KCNN2: variants seen among roughly 807,000 people sequenced by gnomAD.
KCNN2 encodes the protein small conductance calcium-activated potassium channel protein 2.
KCNN2 carries 24 observed loss-of-function variants against 55.5 expected under a neutral mutation model. That is an observed-to-expected ratio of 0.43 (90% CI 0.31 to 0.61). The LOEUF (loss-of-function observed/expected upper bound fraction) is 0.61. Among genes scored for constraint, KCNN2 ranks in the 20% least tolerant of loss-of-function variants. KCNN2 has a pLI of 0.08. For synonymous variants in KCNN2, 431 were observed against 336.1 expected (o/e 1.28, Z -3.09); for missense variants, 754 against 853.6 (o/e 0.88, Z 1.45).
In KCNN2 at chr5:114,241,722, G is replaced by A. The variant is rs1372809333; in HGVS notation, c.-185+20157G>A. 3.3e-4 allele frequency among the ~76,000 whole-genome samples: 25 copies of A among 76,452 alleles called. 1 individual carries two copies. The highest frequency in any genetic ancestry group is 9.2e-4 in the African/African-American group (16 of 17,366). The allele number at this position is 76,452 out of a possible 152,430, so 50.2% of individuals were successfully genotyped here. A position where few individuals can be genotyped will look rare whatever the true frequency, so the allele number is the denominator to read the frequency against. ...TATATGTGGATATATATATATATAC[G>A]TATATATATACATATATACGTATAT... is the stretch of plus-strand genomic sequence containing the variant. On this transcript the variant is annotated intron_variant, in intron 2 of 10. Coordinates refer to the KCNN2 transcript ENST00000512097.
chr5:114,436,408 A>G (rs983272118), intron 3 of KCNN2, among the ~76,000 whole-genome samples: 1 of 152,228 alleles, frequency 6.6e-6, no homozygotes, highest in African/African-American at 2.4e-5. Flanking sequence ...GAATCATTAA[A>G]TGATCGTAAA....
chr5:114,264,746 A>G (rs1755175557), intron 2 of KCNN2, among the ~76,000 whole-genome samples: 1 of 152,186 alleles, frequency 6.6e-6, no homozygotes, highest in Non-Finnish European at 1.5e-5. Context: ...TGGTAGTCTC[A>G]CCATGCTTGA....
At chr5:114,168,182 C>T (rs1424794875) in intron 1 of KCNN2, among the ~76,000 whole-genome samples, 2 of 151,336 alleles carry the variant, frequency 1.3e-5, no homozygotes, top group Non-Finnish European at 2.9e-5. Context: ...TATACACACA[C>T]ACACACACAC....
chr5:114,348,398 T>G (rs934158959), intron 2 of KCNN2, among the ~76,000 whole-genome samples: 2 of 151,944 alleles, frequency 1.3e-5, no homozygotes, highest in African/African-American at 4.8e-5. Context: ...ATTGTGCACA[T>G]GTACCCTAAA....
chr5:114,421,027 G>C (rs1759457058), intron 3 of KCNN2, among the ~76,000 whole-genome samples: 1 of 152,202 alleles, frequency 6.6e-6, no homozygotes, highest in South Asian at 2.1e-4. Flanking sequence ...GGCAAAACAA[G>C]TTGATTTCTT....
chr5:114,293,981 G>A (rs1245495622), intron 2 of KCNN2, among the ~76,000 whole-genome samples: 1 of 152,188 alleles, frequency 6.6e-6, no homozygotes, highest in Non-Finnish European at 1.5e-5. Context: ...TATTTGCGTA[G>A]AGTTGTTTGT....
In KCNN2 at chr5:114,363,074, G is replaced by A. The variant is rs1249122789; in HGVS notation, c.935G>A (p.Gly312Glu). The change falls in exon 1 of 8, where the codon GGG (glycine) becomes GAG (glutamate). Residue 312 changes from glycine to glutamate, a missense_variant. Around this residue, in one of 4 missense-constraint regions of KCNN2, gnomAD observed 381 missense variants for 259.1 expected, o/e 1.47. Coordinates refer to ENST00000673685, the MANE Select transcript of KCNN2 (RefSeq NM_021614.4). ...GGAGGCGGCGGCGGTGGCGGGAGCG[G>A]GCACGGCAGCAGCAGTGGCACCAAG... is the stretch of plus-strand genomic sequence containing the variant. ...TGGGGGGGGSGHGSSSGTKSS... is the reference protein window; with the variant it reads ...TGGGGGGGGSEHGSSSGTKSS... 6.2e-7 allele frequency: 1 copy of A among 1,610,128 alleles called. No individual in the cohort carries two copies. The highest frequency in any genetic ancestry group is 2.2e-5 in the East Asian group (1 of 44,830).
At position 114,209,110 on chromosome 5, in the gene KCNN2, G is replaced by A. The variant is rs1342757896; in HGVS notation, c.-270-12370G>A. On this transcript the variant is annotated intron_variant, in intron 1 of 10. Transcript: ENST00000512097. ...CTCGCTCTGTTGCCCAGGCTGGAGT[G>A]CAGTGGCACAATCCTGGCTCACTGC... Among the ~76,000 whole-genome samples the A allele has an allele frequency of 2.0e-5, 3 of 150,950 alleles. No homozygotes were observed. The East Asian group carries it at 5.9e-4, about 30-fold the overall frequency.
intron 1 of KCNN2, among the ~76,000 whole-genome samples, chr5:114,168,088 T>C (rs1429441643): frequency 6.6e-6 from 1 of 151,988 alleles, no homozygotes; most frequent in African/African-American, 2.4e-5. Flanking sequence ...GCTTTTGTGT[T>C]GTTTCTAGTT....
chr5:114,184,590 G>A (rs1370333034), intron 1 of KCNN2, among the ~76,000 whole-genome samples: 1 of 152,108 alleles, frequency 6.6e-6, no homozygotes, highest in African/African-American at 2.4e-5. Flanking sequence ...TGTGGCTTTA[G>A]TGTTAAGAAT....
intron 3 of KCNN2, among the ~76,000 whole-genome samples, chr5:114,455,687 G>C (rs1190550150): frequency 6.6e-6 from 1 of 152,240 alleles, no homozygotes; most frequent in Admixed American, 6.5e-5. Context: ...TCCAAGTTGT[G>C]AATGCAAAGG....
chr5:114,083,573 A>G (rs1184021440), intron 1 of KCNN2, among the ~76,000 whole-genome samples: 1 of 152,150 alleles, frequency 6.6e-6, no homozygotes, highest in African/African-American at 2.4e-5. Flanking sequence ...CAGGAAATTC[A>G]GCAGATAATA....
Position 114,117,965 on chromosome 5 carries a change from A to C in KCNN2, c.-271+61465A>C, listed in dbSNP as rs75738148. On this transcript the variant is annotated intron_variant, in intron 1 of 10. Transcript: ENST00000512097. ...GGTGAACTGGTTTGCCACATATCAC[A>C]AAGTTCATAAGGGGCAGAGGCTGGA... 1.2e-3 allele frequency among the ~76,000 whole-genome samples: 183 copies of C among 152,278 alleles called. 2 individuals carry two copies. The East Asian group carries it at 0.033, about 27-fold the overall frequency.
chr5:114,325,590 GC>G (rs1235284365), intron 2 of KCNN2, among the ~76,000 whole-genome samples: 4 of 152,176 alleles, frequency 2.6e-5, no homozygotes, highest in African/African-American at 7.2e-5. Context: ...TTAATCGTCA[GC>G]CATCTCAGCA....
chr5:114,431,575 C>A (rs1211218576), intron 3 of KCNN2, among the ~76,000 whole-genome samples: 1 of 151,978 alleles, frequency 6.6e-6, no homozygotes, highest in East Asian at 1.9e-4. Context: ...CTGTTTTCCA[C>A]TTCATTGATA....
exon 1 of KCNN2, chr5:114,056,200 C>T: frequency 2.5e-6 from 1 of 394,718 alleles, no homozygotes; most frequent in Non-Finnish European, 4.5e-6. Flanking sequence ...GGGGGCCTGG[C>T]TCGCCCGCGC....
rs78542082 is a variant in KCNN2, at chr5:114,437,615, T to C, written c.1638-25434T>C. Among the ~76,000 whole-genome samples, 21 of 152,326 alleles carry C rather than the reference T, an allele frequency of 1.4e-4. No homozygotes were observed. In the East Asian group the frequency reaches 3.1e-3, roughly 22 times the overall value. Reference sequence around the variant, plus strand: ...GTTATATTGACAGGTTTGGGGACTATTGAAAGTGTTACATAGTTCAAATCC... The same window carrying C: ...GTTATATTGACAGGTTTGGGGACTACTGAAAGTGTTACATAGTTCAAATCC... On this transcript the variant is annotated intron_variant, in intron 3 of 7. Coordinates refer to ENST00000673685, the MANE Select transcript of KCNN2 (RefSeq NM_021614.4).
chr5:114,422,031 C>G (rs1759485820), intron 3 of KCNN2, among the ~76,000 whole-genome samples: 1 of 152,170 alleles, frequency 6.6e-6, no homozygotes, highest in African/African-American at 2.4e-5. Context: ...TGTTTCCCAG[C>G]TTTTTATATC....
At chr5:114,368,045 A>G (rs1282658287) in intron 2 of KCNN2, among the ~76,000 whole-genome samples, 1 of 151,982 alleles carries the variant, frequency 6.6e-6, no homozygotes, top group East Asian at 1.9e-4. Flanking sequence ...ATCCACTTAT[A>G]CACAGATTTT....
Sources: allele counts gnomAD v4.1 joint callset (sites outside exome capture counted in the v4.1 genomes callset), GRCh38; gene constraint gnomAD v4.1.1; regional missense constraint gnomAD v4.1.1; transcripts MANE v1.5; gene names NCBI Gene and HGNC (gene_info 2026-07-23, HGNC 2026-07-21).